The following CIRSR variants were observed in gnomAD, a reference collection of about 807,000 sequenced individuals.
The protein encoded by CIRSR is corepressor of RBPJ and splicing regulator.
At chr2:174,361,060 T>TAATCAAGTAC in the CIRSR span, among the ~76,000 whole-genome samples, 1 of 152,060 alleles carries the variant, frequency 6.6e-6, no homozygotes, top group East Asian at 1.9e-4. Context: ...TAATCAACTA[T>TAATCAAGTAC]AATCAAGTAC....
chr2:174,361,161 T>C, the CIRSR span, among the ~76,000 whole-genome samples: 1 of 152,246 alleles, frequency 6.6e-6, no homozygotes, highest in African/African-American at 2.4e-5. Flanking sequence ...GTCAGTTCTT[T>C]ATTTACTAGT....
At chr2:174,361,553 T>C in the CIRSR span, among the ~76,000 whole-genome samples, 2 of 152,220 alleles carry the variant, frequency 1.3e-5, no homozygotes, top group Non-Finnish European at 2.9e-5. Context: ...AGGAGAAGCA[T>C]GTGCAGCGCT....
chr2:174,370,019 A>C, the CIRSR span: 1 of 1,364,848 alleles, frequency 7.3e-7, no homozygotes, highest in Non-Finnish European at 9.8e-7. Flanking sequence ...CAGCATCTGC[A>C]AAGGGCAAGA....
chr2:174,381,373 G>C, the CIRSR span, among the ~76,000 whole-genome samples: 1 of 152,298 alleles, frequency 6.6e-6, no homozygotes, highest in Admixed American at 6.5e-5. Context: ...AAAGGAAGGA[G>C]GCCAGGTGCG....
chr2:174,372,514 T>C, the CIRSR span, among the ~76,000 whole-genome samples: 6 of 152,386 alleles, frequency 3.9e-5, no homozygotes, highest in South Asian at 1.0e-3. Flanking sequence ...GAAATCTTCA[T>C]ATCATTTAAT....
At chr2:174,392,296 G>A in the CIRSR span, among the ~76,000 whole-genome samples, 4 of 152,106 alleles carry the variant, frequency 2.6e-5, no homozygotes, top group Admixed American at 6.6e-5. Flanking sequence ...CATGCCCAGC[G>A]GGGGTTTCTT....
chr2:174,348,179 T>C, the CIRSR span: 1 of 234,386 alleles, frequency 4.3e-6, no homozygotes, highest in East Asian at 9.2e-5. Flanking sequence ...TTTAATGATG[T>C]TTCAGAACAA....
the CIRSR span, among the ~76,000 whole-genome samples, chr2:174,370,758 A>G: frequency 6.6e-6 from 1 of 152,072 alleles, no homozygotes; most frequent in East Asian, 1.9e-4. Context: ...ACTAAAAAAA[A>G]ATATTAGCCA....
chr2:174,350,797 A>G, the CIRSR span: 1 of 1,290,998 alleles, frequency 7.7e-7, no homozygotes, highest in African/African-American at 1.5e-5. Context: ...CAAGGTAGTT[A>G]GTAGATAAAA....
chr2:174,380,261 G>C, the CIRSR span: 21 of 1,576,224 alleles, frequency 1.3e-5, no homozygotes, highest in Admixed American at 1.8e-5. Context: ...CTATTAAATA[G>C]AGGAAATGTA....
chr2:174,358,066 T>C, the CIRSR span: 3 of 152,192 alleles, frequency 2.0e-5, no homozygotes, highest in African/African-American at 7.2e-5. Flanking sequence ...GACAGCTAAT[T>C]GATGTCTATT....
chr2:174,358,917 G>A, the CIRSR span, among the ~76,000 whole-genome samples: 37 of 151,832 alleles, frequency 2.4e-4, no homozygotes, highest in South Asian at 6.3e-3. Flanking sequence ...TCACCATATC[G>A]GCCAGGCTGG....
the CIRSR span, among the ~76,000 whole-genome samples, chr2:174,383,137 C>A: frequency 4.6e-5 from 7 of 152,090 alleles, no homozygotes; most frequent in Non-Finnish European, 5.9e-5. Context: ...TGAAAGAAGC[C>A]AGTCACAAAA....
the CIRSR span, among the ~76,000 whole-genome samples, chr2:174,377,515 C>G: frequency 6.6e-6 from 1 of 152,014 alleles, no homozygotes. Context: ...TAGTTTCCTT[C>G]TACTTAAAAG....
the CIRSR span, chr2:174,395,425 G>C: frequency 1.1e-6 from 1 of 910,672 alleles, no homozygotes; most frequent in South Asian, 1.5e-5. Flanking sequence ...GAGACCACCA[G>C]GGCTTTAGGC....
the CIRSR span, among the ~76,000 whole-genome samples, chr2:174,392,482 T>C: frequency 6.6e-6 from 1 of 152,166 alleles, no homozygotes; most frequent in Admixed American, 6.5e-5. Flanking sequence ...GTGTAGTGAA[T>C]GGATTTGAGA....
chr2:174,350,664 G>T, the CIRSR span: 1 of 1,593,002 alleles, frequency 6.3e-7, no homozygotes, highest in Non-Finnish European at 8.6e-7. Flanking sequence ...AATTACCTGA[G>T]AAGTTTCTGT....
the CIRSR span, chr2:174,380,554 G>T: frequency 2.8e-6 from 3 of 1,070,064 alleles, no homozygotes; most frequent in Non-Finnish European, 2.8e-6. Flanking sequence ...CACATCAGTT[G>T]CCTCCTCTAA....
the CIRSR span, among the ~76,000 whole-genome samples, chr2:174,394,707 T>C: frequency 2.0e-5 from 3 of 152,332 alleles, no homozygotes; most frequent in Admixed American, 6.5e-5. Context: ...TGAGAGTATA[T>C]AGCAGTATCT....
Sources: gnomAD v4.1 joint callset for allele counts (sites outside exome capture counted in the v4.1 genomes callset) on GRCh38, gnomAD v4.1.1 for gene constraint, MANE v1.5 for transcripts, NCBI Gene and HGNC (gene_info 2026-07-23, HGNC 2026-07-21) for gene names.